HS6ST3: variants seen among roughly 807,000 people sequenced by gnomAD.
The protein encoded by HS6ST3 is heparan sulfate 6-O-sulfotransferase 3, also known as heparan-sulfate 6-O-sulfotransferase 3.
Under a neutral mutation model 36.7 loss-of-function variants are expected in HS6ST3, and 12 were observed. The ratio of observed to expected loss-of-function variants is 0.33; its 90% CI spans 0.21 to 0.53. HS6ST3 has a LOEUF of 0.53. HS6ST3 is among the 20% of genes least tolerant of loss of function. The probability of loss-of-function intolerance (pLI) is 0.95; values close to 1 mark genes in which losing one functional copy is unlikely to be tolerated. For missense variants in HS6ST3, 584 were observed against 640.9 expected (o/e 0.91, Z 0.96); for synonymous variants, 240 against 257.5 (o/e 0.93, Z 0.65).
chr13:96,616,776 C>T (rs1007617619), intron 1 of HS6ST3, among the ~76,000 whole-genome samples: 7 of 152,124 alleles, frequency 4.6e-5, no homozygotes. Flanking sequence ...GTAAAGTAGA[C>T]AAAGTTGGCT....
chr13:96,725,253 C>G (rs1012678975), intron 1 of HS6ST3, among the ~76,000 whole-genome samples: 1 of 152,002 alleles, frequency 6.6e-6, no homozygotes, highest in Non-Finnish European at 1.5e-5. Context: ...GAGTTTTTTA[C>G]ATATTTTAGA....
intron 1 of HS6ST3, among the ~76,000 whole-genome samples, chr13:96,767,791 A>G (rs146895363): frequency 6.6e-6 from 1 of 152,202 alleles, no homozygotes; most frequent in Non-Finnish European, 1.5e-5. Context: ...CCAAATGTGC[A>G]TCAGCCCAGA....
At chr13:96,176,924 A>G (rs887728248) in intron 1 of HS6ST3, among the ~76,000 whole-genome samples, 1 of 152,210 alleles carries the variant, frequency 6.6e-6, no homozygotes, top group African/African-American at 2.4e-5. Context: ...CAAATTTACA[A>G]GAGAAAAACA....
At chr13:96,832,383 A>G (rs1279414686) in intron 1 of HS6ST3, 107 bp from the exon 2 acceptor site, 2 of 770,820 alleles carry the variant, frequency 2.6e-6, no homozygotes, top group Non-Finnish European at 4.0e-6. Flanking sequence ...TCACATGAAC[A>G]TTTGGCAAAG....
At chr13:96,418,872 C>T (rs1376558906) in intron 1 of HS6ST3, among the ~76,000 whole-genome samples, 4 of 152,194 alleles carry the variant, frequency 2.6e-5, no homozygotes, top group African/African-American at 9.6e-5. Context: ...AGAAACCTGC[C>T]GGCCTTAGCT....
In HS6ST3 at chr13:96,468,673, A is replaced by G. The variant is rs144968300; in HGVS notation, c.708-363817A>G. On this transcript the variant is annotated intron_variant, in intron 1 of 1. Transcript: ENST00000376705. ...CCACTAAGAGCAGGATGTTATCATC[A>G]TAAACAACAAGAGAAATCTACTATA... 4.9e-4 allele frequency among the ~76,000 whole-genome samples: 75 copies of G among 152,344 alleles called. No homozygotes were observed. The East Asian group carries it at 0.014, about 28-fold the overall frequency.
chr13:96,655,370 G>A (rs1312942373), intron 1 of HS6ST3, among the ~76,000 whole-genome samples: 6 of 152,080 alleles, frequency 3.9e-5, no homozygotes, highest in Admixed American at 3.9e-4. Context: ...GTGTTGGAAA[G>A]CAAAAGATTA....
In HS6ST3 at chr13:96,307,923, G is replaced by A. The variant is rs181522216; in HGVS notation, c.707+216354G>A. Among the ~76,000 whole-genome samples, 110 of 152,164 alleles carry A rather than the reference G, an allele frequency of 7.2e-4. 2 individuals carry two copies. Among genetic ancestry groups the A allele is most frequent in the African/African-American group, 2.5e-3 (105 of 41,544 alleles). On this transcript the variant is annotated intron_variant, in intron 1 of 1. Coordinates refer to ENST00000376705, the MANE Select transcript of HS6ST3 (RefSeq NM_153456.4). ...TGACTTTAGTTTTTGCATAATTGCTGCTTTTTGGATTTACATTACTTCCAT... is the reference window on the plus strand; with the variant it reads ...TGACTTTAGTTTTTGCATAATTGCTACTTTTTGGATTTACATTACTTCCAT...
At chr13:96,280,368 C>G (rs2139393414) in intron 1 of HS6ST3, among the ~76,000 whole-genome samples, 1 of 152,024 alleles carries the variant, frequency 6.6e-6, no homozygotes, top group South Asian at 2.1e-4. Flanking sequence ...TTTCTCCATT[C>G]TACGTTTATT....
chr13:96,284,910 G>GCTTGCTTTCTTTCTTTCTTT (rs1343778101), intron 1 of HS6ST3, among the ~76,000 whole-genome samples: 9 of 134,676 alleles, frequency 6.7e-5, no homozygotes, highest in East Asian at 2.3e-4. Context: ...ATGCATATTT[G>GCTTGCTTTCTTTCTTTCTTT]CTTTCTTTCT....
intron 1 of HS6ST3, among the ~76,000 whole-genome samples, chr13:96,768,978 C>G (rs958528850): frequency 6.6e-6 from 1 of 152,126 alleles, no homozygotes; most frequent in Non-Finnish European, 1.5e-5. Context: ...TGTTCCAGCT[C>G]TAACAAACTC....
At chr13:96,160,847 A>G (rs1001765428) in intron 1 of HS6ST3, among the ~76,000 whole-genome samples, 1 of 152,224 alleles carries the variant, frequency 6.6e-6, no homozygotes, top group Admixed American at 6.5e-5. Context: ...GCAGGCATGC[A>G]ATAGAACCCA....
At chr13:96,421,420 A>G (rs1185222552) in intron 1 of HS6ST3, among the ~76,000 whole-genome samples, 1 of 152,186 alleles carries the variant, frequency 6.6e-6, no homozygotes, top group African/African-American at 2.4e-5. Context: ...TTACATTGCA[A>G]ATCTGATTAT....
At chr13:96,583,188 A>T (rs1594812050) in intron 1 of HS6ST3, among the ~76,000 whole-genome samples, 1 of 110,846 alleles carries the variant, frequency 9.0e-6, no homozygotes, top group African/African-American at 3.4e-5. Flanking sequence ...TAATGGCTTC[A>T]ATTTCTTTTT....
intron 1 of HS6ST3, among the ~76,000 whole-genome samples, chr13:96,587,251 T>A (rs1053903514): frequency 5.9e-5 from 9 of 152,182 alleles, no homozygotes; most frequent in African/African-American, 1.7e-4. Context: ...TTATTTATTT[T>A]TTTTGCTCAA....
intron 1 of HS6ST3, among the ~76,000 whole-genome samples, chr13:96,648,808 A>G (rs2056597884): frequency 6.6e-6 from 1 of 152,048 alleles, no homozygotes; most frequent in African/African-American, 2.4e-5. Flanking sequence ...AGCTCCATCC[A>G]TGTCCCTGCA....
intron 1 of HS6ST3, among the ~76,000 whole-genome samples, chr13:96,109,641 T>C (rs1440913555): frequency 6.6e-6 from 1 of 152,146 alleles, no homozygotes; most frequent in Admixed American, 6.5e-5. Flanking sequence ...TAAGTTGCAC[T>C]GGTGTTAGTG....
intron 1 of HS6ST3, among the ~76,000 whole-genome samples, chr13:96,164,334 A>G (rs2054150936): frequency 6.6e-6 from 1 of 152,124 alleles, no homozygotes; most frequent in African/African-American, 2.4e-5. Flanking sequence ...AAGGAGGATC[A>G]CTTGAGGCCA....
rs1024072893 is a variant in HS6ST3 at position 96,325,361 on chromosome 13, A to G, written c.707+233792A>G. On this transcript the variant is annotated intron_variant, in intron 1 of 1. Transcript: ENST00000376705. ...GCCAAGAAATCAATGGCCTCATCTT[A>G]ATCTGATTATCTACAAAGACCCTAT... Among the ~76,000 whole-genome samples the G allele has an allele frequency of 4.6e-5, 7 of 152,146 alleles. No homozygotes were observed. The East Asian group carries it at 1.3e-3, about 29-fold the overall frequency.
Sources: gnomAD v4.1 joint callset for allele counts (sites outside exome capture counted in the v4.1 genomes callset) on GRCh38, gnomAD v4.1.1 for gene constraint, MANE v1.5 for transcripts, NCBI Gene and HGNC (gene_info 2026-07-23, HGNC 2026-07-21) for gene names.